Variants in GPATCH8 observed in about 807,000 individuals in gnomAD.
GPATCH8 encodes G-patch domain containing 8.
In GPATCH8, 18 loss-of-function variants were observed where a neutral mutation model predicts 118.3. That is an observed-to-expected ratio of 0.15 (90% CI 0.11 to 0.23). The LOEUF is 0.23. GPATCH8 is among the 10% of genes least tolerant of loss of function. GPATCH8 has a pLI of 1.00. For missense variants in GPATCH8, 1,631 were observed against 1,873.8 expected (o/e 0.87, Z 2.39); for synonymous variants, 659 against 684.7 (o/e 0.96, Z 0.59).
intron 1 of GPATCH8, among the ~76,000 whole-genome samples, chr17:44,494,368 GA>G (rs1969506325): frequency 6.6e-6 from 1 of 152,132 alleles, no homozygotes; most frequent in Non-Finnish European, 1.5e-5. Flanking sequence ...GAGGTGGGTG[GA>G]TTACCTGAGG....
chr17:44,464,722 G>A, intron 2 of GPATCH8, 178 bp from the exon 3 acceptor site: 1 of 609,536 alleles, frequency 1.6e-6, no homozygotes, highest in East Asian at 2.9e-5. Context: ...AAGAAAAGCT[G>A]GCTAGTATTT....
rs1279180432 is a variant in GPATCH8, at chr17:44,395,782, A to T, written c.*1786T>A. On this transcript the variant is annotated 3_prime_UTR_variant, in exon 8 of 8. Transcript: ENST00000591680. ...TAAGTATGGTTTTTCTTGTCAAGTG[A>T]CCAACCAACCAATTCTAGCCACACG... is the stretch of plus-strand genomic sequence containing the variant. 2.2e-6 allele frequency: 1 copy of T among 454,120 alleles called. No individual in the cohort carries two copies. The highest frequency in any genetic ancestry group is 2.3e-5 in the Admixed American group (1 of 42,580). The allele number at this position is 454,120 out of a possible 1,614,324, so 28.1% of individuals were successfully genotyped here.
intron 3 of GPATCH8, among the ~76,000 whole-genome samples, chr17:44,454,615 G>A (rs1044325343): frequency 6.6e-6 from 1 of 151,992 alleles, no homozygotes; most frequent in Non-Finnish European, 1.5e-5. Flanking sequence ...TTTTTGTAGA[G>A]ACAGGGTATG....
In GPATCH8 at chr17:44,503,344, G is replaced by A; in HGVS notation, c.27C>T (p.Asn9=). Residue 9 remains asparagine (N), a synonymous_variant, in exon 1 of 8, where the codon AAC becomes AAT. Transcript: ENST00000591680. MADRFSRF[N]EDRDFQGNHF... is the part of the protein sequence containing the mutation. ...TGTTTACCTGAAAGTCTCGGTCTTC[G>A]TTGAAGCGGGAGAAGCGGTCCGCCA... 1 of 1,610,886 alleles carries A rather than the reference G, an allele frequency of 6.2e-7. No homozygotes were observed. The highest frequency in any genetic ancestry group is 8.5e-7 in the Non-Finnish European group (1 of 1,178,814).
intron 1 of GPATCH8, among the ~76,000 whole-genome samples, chr17:44,499,366 A>G (rs1483239125): frequency 6.6e-6 from 1 of 152,214 alleles, no homozygotes; most frequent in Admixed American, 6.5e-5. Context: ...GCTACTCGGG[A>G]GGCTGAGGCA....
chr17:44,415,362 G>A (rs1421054379), intron 6 of GPATCH8, among the ~76,000 whole-genome samples: 1 of 152,052 alleles, frequency 6.6e-6, no homozygotes, highest in Non-Finnish European at 1.5e-5. Context: ...TAGATATTGG[G>A]CTTTTTTACA....
intron 3 of GPATCH8, among the ~76,000 whole-genome samples, chr17:44,457,054 G>C (rs998040519): frequency 1.1e-4 from 16 of 152,064 alleles, no homozygotes; most frequent in African/African-American, 3.6e-4. Flanking sequence ...GTAGAGAAGG[G>C]GTTTCACCAT....
chr17:44,411,152 T>C (rs1313642706), intron 6 of GPATCH8, among the ~76,000 whole-genome samples: 1 of 152,200 alleles, frequency 6.6e-6, no homozygotes, highest in African/African-American at 2.4e-5. Flanking sequence ...TCAGTGTCTA[T>C]TAAAATAAGG....
At chr17:44,426,335 G>C (rs2050088119) in intron 5 of GPATCH8, among the ~76,000 whole-genome samples, 1 of 152,192 alleles carries the variant, frequency 6.6e-6, no homozygotes, top group African/African-American at 2.4e-5. Context: ...AGGTGCGGTG[G>C]CTCACGCCTG....
intron 7 of GPATCH8, among the ~76,000 whole-genome samples, chr17:44,403,233 GC>G (rs1389207321): frequency 1.3e-5 from 2 of 152,088 alleles, no homozygotes; most frequent in Non-Finnish European, 2.9e-5. Flanking sequence ...GTACCACCAT[GC>G]CCAGCTAATT....
rs1416403800 is a variant in GPATCH8, at chr17:44,452,534, T to C, written c.193+11938A>G. 1.3e-5 allele frequency among the ~76,000 whole-genome samples: 2 copies of C among 152,204 alleles called. 1 individual carries two copies. The highest frequency in any genetic ancestry group is 2.9e-5 in the Non-Finnish European group (2 of 68,032). On this transcript the variant is annotated intron_variant, in intron 3 of 7. Transcript: ENST00000591680. ...TTGTCTTCATAGTTGACCTGTTTTA[T>C]CAGCCTTCATAGTTATTCCTTCCTT...
At chr17:44,462,895 G>A (rs1157557586) in intron 3 of GPATCH8, among the ~76,000 whole-genome samples, 2 of 152,006 alleles carry the variant, frequency 1.3e-5, no homozygotes, top group African/African-American at 4.8e-5. Context: ...GCAGGAGAAT[G>A]GCGTGAACCC....
intron 2 of GPATCH8, among the ~76,000 whole-genome samples, chr17:44,470,494 C>CTTTT (rs35343849): frequency 1.0e-4 from 8 of 76,328 alleles, no homozygotes; most frequent in African/African-American, 4.0e-4. Context: ...GCACCCAGCG[C>CTTTT]TTTTTTTTTT....
chr17:44,490,392 C>T (rs1303712393), intron 1 of GPATCH8, among the ~76,000 whole-genome samples: 1 of 151,938 alleles, frequency 6.6e-6, no homozygotes, highest in African/African-American at 2.4e-5. Context: ...TCATGGTTAT[C>T]CTAATAAAAA....
At chr17:44,439,942 C>A (rs1030993658) in intron 3 of GPATCH8, among the ~76,000 whole-genome samples, 7 of 152,148 alleles carry the variant, frequency 4.6e-5, no homozygotes, top group African/African-American at 1.7e-4. Flanking sequence ...CACCACCGTG[C>A]CCGGCTAATT....
intron 6 of GPATCH8, among the ~76,000 whole-genome samples, chr17:44,414,115 A>ATGTATATATATGTGTATGTATATATATG (rs2049570858): frequency 2.4e-5 from 2 of 83,466 alleles, no homozygotes; most frequent in Non-Finnish European, 5.1e-5. Context: ...GTATATATAT[A>ATGTATATATATGTGTATGTATATATATG]TGTATATATA....
At chr17:44,498,461 GAA>G (rs1292678389) in intron 1 of GPATCH8, among the ~76,000 whole-genome samples, 1 of 152,100 alleles carries the variant, frequency 6.6e-6, no homozygotes, top group Non-Finnish European at 1.5e-5. Flanking sequence ...TCCCACATTT[GAA>G]AAGTGATTAT....
rs1394892926 is a variant in GPATCH8, at chr17:44,483,198, T to A, written c.46-8295A>T. The stretch of plus-strand genomic sequence containing the variant: ...AAAAATATATATATATATATATATA[T>A]ATATATATATATATATATACAGCCT... On this transcript the variant is annotated intron_variant, in intron 1 of 7. Coordinates refer to ENST00000591680, the MANE Select transcript of GPATCH8 (RefSeq NM_001002909.4). 6.0e-3 allele frequency among the ~76,000 whole-genome samples: 431 copies of A among 71,336 alleles called. 33 individuals are homozygous for A. The highest frequency in any genetic ancestry group is 8.2e-3 in the Non-Finnish European group (303 of 36,844). The allele number at this position is 71,336 out of a possible 152,430, so 46.8% of individuals were successfully genotyped here.
rs1202291014 is a variant in GPATCH8, at chr17:44,398,867, A to G, written c.3210T>C (p.Ile1070=). Residue 1070 remains isoleucine (I), a synonymous_variant, in exon 8 of 8, where the codon ATT becomes ATC. Transcript: ENST00000591680. ...CACCTTCTGACCCTCTTCCTGTGCC[A>G]ATGTTGCTGTTCTGGGAAGGTGGAC... ...ATGPPSQNSN[I]GTGRGSEGDC... 2 of 1,613,926 alleles carry G rather than the reference A, an allele frequency of 1.2e-6. No homozygotes were observed. Among genetic ancestry groups the G allele is most frequent in the Non-Finnish European group, 1.7e-6 (2 of 1,179,838 alleles).
Sources: allele counts gnomAD v4.1 joint callset (sites outside exome capture counted in the v4.1 genomes callset), GRCh38; gene constraint gnomAD v4.1.1; transcripts MANE v1.5; gene names NCBI Gene and HGNC (gene_info 2026-07-23, HGNC 2026-07-21).